TRIM37: variants seen among roughly 807,000 people sequenced by gnomAD.
TRIM37 encodes the protein E3 ubiquitin-protein ligase TRIM37.
A neutral mutation model predicts 129.8 loss-of-function variants in TRIM37; 80 were observed. The ratio of observed to expected loss-of-function variants is 0.62; its 90% confidence interval spans 0.51 to 0.74. TRIM37 has a LOEUF of 0.74. Among genes scored for constraint, TRIM37 ranks in the 30% least tolerant of loss-of-function variants. The probability of loss-of-function intolerance (pLI) is 0.00; values close to 1 mark genes in which losing one functional copy is unlikely to be tolerated. For missense variants in TRIM37, 1,054 were observed against 1,176.5 expected, an observed-to-expected ratio of 0.90 and a Z score of 1.52; for synonymous variants, 389 against 387.1, an observed-to-expected ratio of 1.00 and a Z score of -0.06.
chr17:59,056,073 A>G (rs1408574478), intron 13 of TRIM37, among the ~76,000 whole-genome samples: 3 of 152,188 alleles, frequency 2.0e-5, no homozygotes, highest in Non-Finnish European at 4.4e-5. Context: ...TATAATATGC[A>G]CTGTGAAGTG....
the TRIM37 span, among the ~76,000 whole-genome samples, chr17:58,968,210 T>C: frequency 3.9e-5 from 6 of 152,208 alleles, no homozygotes; most frequent in Admixed American, 6.5e-5. Context: ...ATTTTGGTTA[T>C]TATTCTATGG....
At chr17:59,080,742 G>C (rs755771482) in intron 6 of TRIM37, among the ~76,000 whole-genome samples, 5 of 152,120 alleles carry the variant, frequency 3.3e-5, no homozygotes, top group Non-Finnish European at 5.9e-5. Context: ...AGTGAGCTGA[G>C]ATCGCGCCAT....
chr17:59,060,720 G>A (rs2041406050), intron 12 of TRIM37, among the ~76,000 whole-genome samples: 1 of 152,094 alleles, frequency 6.6e-6, no homozygotes, highest in African/African-American at 2.4e-5. Context: ...GAACTCTGCA[G>A]ACAGATTTCA....
chr17:59,044,398 T>A lies in TRIM37; in HGVS notation c.1668-2500A>T, dbSNP rs144280478. 2.3e-3 allele frequency among the ~76,000 whole-genome samples: 357 copies of A among 152,054 alleles called. 4 individuals are homozygous for A. Among genetic ancestry groups the A allele is most frequent in the African/African-American group, 8.2e-3 (341 of 41,476 alleles). ...CAACATTGCAAAACCCTGTCTCTAC[T>A]AAAACTACAAAAAATTAGTCGGGCG... On this transcript the variant is annotated intron_variant, in intron 16 of 23. Coordinates refer to ENST00000262294, the MANE Select transcript of TRIM37 (RefSeq NM_015294.6).
chr17:58,992,289 A>T (rs1048216118), intron 24 of TRIM37, among the ~76,000 whole-genome samples: 1 of 135,832 alleles, frequency 7.4e-6, no homozygotes, highest in African/African-American at 2.8e-5. Flanking sequence ...ATTTATATTT[A>T]TATATATTTA....
chr17:59,017,169 A>T, intron 20 of TRIM37, 127 bp downstream of exon 20: 1 of 1,270,640 alleles, frequency 7.9e-7, no homozygotes. Context: ...GTTTCAAAAA[A>T]AGAAACTTTC....
In TRIM37 at chr17:59,106,730, G is replaced by A. The variant is rs765990060; in HGVS notation, c.-269C>T. On this transcript the variant is annotated 5_prime_UTR_variant, in exon 1 of 24. Transcript: ENST00000262294. ...GCTCCTTTCTCCCGGCTCAGCCGCC[G>A]GCCAGCAGCCGCGCCGGAACCTCGG... 25 of 573,524 alleles carry A rather than the reference G, an allele frequency of 4.4e-5. No homozygotes were observed. Among genetic ancestry groups the A allele is most frequent in the Non-Finnish European group, 6.2e-5 (20 of 322,646 alleles). The allele number at this position is 573,524 out of a possible 1,614,324, so 35.5% of individuals were successfully genotyped here.
downstream of TRIM37, among the ~76,000 whole-genome samples, chr17:58,996,828 G>GTATA (rs1451096154): frequency 6.7e-6 from 1 of 149,174 alleles, no homozygotes; most frequent in Non-Finnish European, 1.5e-5. Context: ...GTGTATGTAT[G>GTATA]TATATATATG....
At chr17:59,009,976 C>A (rs775697019) in intron 22 of TRIM37, among the ~76,000 whole-genome samples, 2 of 152,166 alleles carry the variant, frequency 1.3e-5, no homozygotes, top group African/African-American at 2.4e-5. Context: ...CAGCACTCAT[C>A]GTCCTATATT....
intron 7 of TRIM37, 94 bp from the exon 8 acceptor site, chr17:59,075,808 C>T: frequency 4.0e-6 from 4 of 1,005,196 alleles, no homozygotes; most frequent in East Asian, 2.4e-5. Context: ...ACAAGAAATA[C>T]ACTTCAAGTA....
chr17:59,086,972 A>C (rs777982691), intron 4 of TRIM37, among the ~76,000 whole-genome samples: 1 of 152,242 alleles, frequency 6.6e-6, no homozygotes, highest in Non-Finnish European at 1.5e-5. Flanking sequence ...CTAAGTGTTC[A>C]CCAAAGAAAT....
At chr17:58,992,004 G>A (rs1277041961) in intron 24 of TRIM37, among the ~76,000 whole-genome samples, 1 of 152,024 alleles carries the variant, frequency 6.6e-6, no homozygotes, top group African/African-American at 2.4e-5. Context: ...CCGGGATCCT[G>A]AGGCCACCCT....
intron 2 of TRIM37, among the ~76,000 whole-genome samples, chr17:59,097,261 C>T (rs2044984828): frequency 6.6e-6 from 1 of 152,024 alleles, no homozygotes; most frequent in East Asian, 1.9e-4. Context: ...TTCTATTTGA[C>T]ATAATACAGG....
chr17:59,046,448 T>A (rs2039805889), intron 16 of TRIM37, among the ~76,000 whole-genome samples: 1 of 152,014 alleles, frequency 6.6e-6, no homozygotes, highest in Non-Finnish European at 1.5e-5. Context: ...CTCTATCTAA[T>A]CATGAGGAAA....
intron 20 of TRIM37, 86 bp from the exon 21 acceptor site, chr17:59,015,885 A>C (rs1163931210): frequency 7.5e-7 from 1 of 1,337,028 alleles, no homozygotes; most frequent in Non-Finnish European, 1.0e-6. Flanking sequence ...AGGTTGAAAC[A>C]CAAGGATCAC....
At chr17:59,091,413 A>T (rs1224594064) in intron 2 of TRIM37, 73 bp from the exon 3 acceptor site, 6 of 388,482 alleles carry the variant, frequency 1.5e-5, no homozygotes, top group Non-Finnish European at 2.4e-5. Flanking sequence ...AATATTTTAT[A>T]TTTATATATA....
intron 2 of TRIM37, among the ~76,000 whole-genome samples, chr17:59,093,358 C>T (rs1011626836): frequency 6.6e-6 from 1 of 152,164 alleles, no homozygotes; most frequent in Non-Finnish European, 1.5e-5. Flanking sequence ...CTCTCCAGAA[C>T]TGGCCCTATA....
At chr17:58,980,039 A>G, downstream of TRIM37, 1 of 1,614,072 alleles carries the variant, frequency 6.2e-7, no homozygotes, top group Non-Finnish European at 8.5e-7. This position sits in a 1 kb window ranked among gnomAD's most constrained non-coding sequence, Gnocchi z 4.7. Context: ...TCTGGATGGG[A>G]CCGAAGACTA....
intron 11 of TRIM37, among the ~76,000 whole-genome samples, chr17:59,061,988 G>T (rs891718619): frequency 1.3e-5 from 2 of 151,026 alleles, no homozygotes; most frequent in South Asian, 2.1e-4. Context: ...AGACATAAAA[G>T]ATGATATATT....
Sources: gnomAD v4.1 joint callset for allele counts (sites outside exome capture counted in the v4.1 genomes callset) on GRCh38, gnomAD v4.1.1 for gene constraint, Gnocchi (gnomAD v3.1) non-coding constraint, MANE v1.5 for transcripts, NCBI Gene and HGNC (gene_info 2026-07-23, HGNC 2026-07-21) for gene names.